The following FAM107B variants were observed in gnomAD, a reference collection of about 807,000 sequenced individuals.
The protein encoded by FAM107B is protein FAM107B.
FAM107B carries 21 observed loss-of-function variants against 31.5 expected under a neutral mutation model. The observed-to-expected ratio is 0.67, with a 90% CI of 0.47 to 0.96. The LOEUF is 0.96. Among genes scored for constraint, FAM107B ranks in the 40% least tolerant of loss-of-function variants. The pLI is 0.00. For synonymous variants in FAM107B, 157 were observed against 141.5 expected, an observed-to-expected ratio of 1.11 and a Z score of -0.78; for missense variants, 452 against 377.1, an observed-to-expected ratio of 1.20 and a Z score of -1.64.
intron 1 of FAM107B, among the ~76,000 whole-genome samples, chr10:14,743,849 T>A (rs924824340): frequency 1.3e-5 from 2 of 152,224 alleles, no homozygotes; most frequent in African/African-American, 4.8e-5. Context: ...CTTTTTTGGT[T>A]CCATATGAAT....
At chr10:14,647,742 A>G (rs1172472564) in intron 2 of FAM107B, among the ~76,000 whole-genome samples, 1 of 152,108 alleles carries the variant, frequency 6.6e-6, no homozygotes, top group African/African-American at 2.4e-5. Context: ...TTGCTGTTTG[A>G]AAATGAAACA....
intron 2 of FAM107B, among the ~76,000 whole-genome samples, chr10:14,592,299 A>G (rs2131343636): frequency 6.6e-6 from 1 of 152,358 alleles, no homozygotes; most frequent in African/African-American, 2.4e-5. Context: ...TCCTGGGGCT[A>G]CTAGTGCGGA....
intron 1 of FAM107B, among the ~76,000 whole-genome samples, chr10:14,703,906 A>G (rs1855460702): frequency 6.6e-6 from 1 of 152,246 alleles, no homozygotes; most frequent in Admixed American, 6.5e-5. Flanking sequence ...GAAGGGCTTG[A>G]GTAGAGAACC....
chr10:14,677,587 C>G (rs1340614909), intron 1 of FAM107B, among the ~76,000 whole-genome samples: 2 of 152,024 alleles, frequency 1.3e-5, no homozygotes, highest in Non-Finnish European at 2.9e-5. Context: ...CGCCACTGCA[C>G]TCCAGCCTGG....
At chr10:14,604,445 G>T (rs1286537948) in intron 2 of FAM107B, 1 of 160,528 alleles carries the variant, frequency 6.2e-6, no homozygotes, top group African/African-American at 2.4e-5. Flanking sequence ...GCGGGGCGGG[G>T]AGGGGCGGGG....
chr10:14,761,045 T>C (rs1437771358), intron 1 of FAM107B, among the ~76,000 whole-genome samples: 1 of 139,576 alleles, frequency 7.2e-6, no homozygotes, highest in Non-Finnish European at 1.5e-5. Context: ...AAGAAAGACA[T>C]ATCGTTAAGC....
At chr10:14,617,663 G>A (rs563429971) in intron 2 of FAM107B, among the ~76,000 whole-genome samples, 1 of 151,836 alleles carries the variant, frequency 6.6e-6, no homozygotes, top group East Asian at 1.9e-4. Context: ...AAGCTGTCCT[G>A]GTAGGGAAGA....
chr10:14,755,054 A>G (rs1048474338), intron 1 of FAM107B, among the ~76,000 whole-genome samples: 2 of 152,232 alleles, frequency 1.3e-5, no homozygotes, highest in Non-Finnish European at 2.9e-5. Flanking sequence ...TTTACCTGAC[A>G]ATATTTTCAT....
intron 2 of FAM107B, among the ~76,000 whole-genome samples, chr10:14,562,068 G>C (rs894782962): frequency 9.2e-5 from 14 of 152,204 alleles, no homozygotes; most frequent in African/African-American, 2.9e-4. Context: ...TTACAGGTGT[G>C]AGCCACTACG....
intron 2 of FAM107B, among the ~76,000 whole-genome samples, chr10:14,597,042 T>G (rs1288652588): frequency 6.6e-6 from 1 of 152,138 alleles, no homozygotes; most frequent in East Asian, 1.9e-4. Context: ...GCCTCTCTCT[T>G]TCCGATACAC....
At chr10:14,728,599 G>T (rs1588736345) in intron 1 of FAM107B, among the ~76,000 whole-genome samples, 2 of 152,050 alleles carry the variant, frequency 1.3e-5, no homozygotes, top group Non-Finnish European at 1.5e-5. Context: ...GAGAATATTG[G>T]GTTGGGAGGT....
chr10:14,698,890 C>G (rs1297117313), intron 1 of FAM107B, among the ~76,000 whole-genome samples: 2 of 152,174 alleles, frequency 1.3e-5, no homozygotes, highest in Non-Finnish European at 2.9e-5. Flanking sequence ...TACTTTTCAG[C>G]AGCCTAATAA....
intron 2 of FAM107B, among the ~76,000 whole-genome samples, chr10:14,655,823 A>G (rs1185975068): frequency 5.9e-5 from 9 of 152,122 alleles, no homozygotes; most frequent in Non-Finnish European, 1.2e-4. Context: ...ACAGCTACCT[A>G]CCCTAGGGAA....
chr10:14,682,074 A>G (rs1176181937), intron 1 of FAM107B, among the ~76,000 whole-genome samples: 2 of 152,364 alleles, frequency 1.3e-5, no homozygotes, highest in Middle Eastern at 3.4e-3. Flanking sequence ...ATAGGTATGT[A>G]TGCTGTAGGA....
At chr10:14,647,220 G>T (rs1188800399) in intron 2 of FAM107B, among the ~76,000 whole-genome samples, 1 of 152,138 alleles carries the variant, frequency 6.6e-6, no homozygotes, top group Non-Finnish European at 1.5e-5. Flanking sequence ...ATGAATGAAG[G>T]AAAGAAAATA....
chr10:14,584,715 T>C (rs1314356678), intron 2 of FAM107B, among the ~76,000 whole-genome samples: 1 of 152,142 alleles, frequency 6.6e-6, no homozygotes, highest in African/African-American at 2.4e-5. Flanking sequence ...TTCCTAGAAC[T>C]AAATCAAAAG....
intron 2 of FAM107B, among the ~76,000 whole-genome samples, chr10:14,600,033 T>A (rs1474548129): frequency 6.6e-6 from 1 of 152,176 alleles, no homozygotes; most frequent in African/African-American, 2.4e-5. Context: ...TCTGCATCTC[T>A]CTCCCCGTTT....
intron 1 of FAM107B, among the ~76,000 whole-genome samples, chr10:14,677,440 T>C (rs1018446888): frequency 6.6e-5 from 10 of 152,052 alleles, no homozygotes; most frequent in Admixed American, 5.9e-4. Context: ...GCTAACACAC[T>C]GAAACCCCGT....
chr10:14,616,231 G>C (rs1852846494), intron 2 of FAM107B, among the ~76,000 whole-genome samples: 1 of 152,028 alleles, frequency 6.6e-6, no homozygotes, highest in Non-Finnish European at 1.5e-5. Flanking sequence ...CATGTTTGTT[G>C]GAATGACTCT....
Sources: allele counts gnomAD v4.1 joint callset (sites outside exome capture counted in the v4.1 genomes callset), GRCh38; gene constraint gnomAD v4.1.1; transcripts MANE v1.5; gene names NCBI Gene and HGNC (gene_info 2026-07-23, HGNC 2026-07-21).